Variants in RASGRP4 observed in about 807,000 individuals in gnomAD.
RASGRP4 encodes RAS guanyl-releasing protein 4.
RASGRP4 carries 52 observed loss-of-function variants against 84.4 expected under a neutral mutation model. The observed-to-expected ratio is 0.62, with a 90% CI of 0.49 to 0.78. RASGRP4 has a LOEUF of 0.78. Among genes scored for constraint, RASGRP4 ranks in the 30% least tolerant of loss-of-function variants. RASGRP4 has a pLI of 0.00. For synonymous variants in RASGRP4, 356 were observed against 359.1 expected (o/e 0.99, Z 0.10); for missense variants, 760 against 886.9 (o/e 0.86, Z 1.82).
Position 38,417,080 on chromosome 19 carries a change from T to C in RASGRP4, c.926A>G (p.His309Arg). The change falls in exon 8 of 17, where the codon CAT becomes CGT. Residue 309 changes from histidine to arginine, a missense_variant. Transcript: ENST00000615439. The surrounding 1 kb of genome is among the most constrained non-coding windows in gnomAD (Gnocchi z 5.1). ...GGTGCTGTCAGGGCTCAGGTGGGCATGGGAGTCCTTGAGTCTGGAGATGGC... is the reference window on the plus strand; with the variant it reads ...GGTGCTGTCAGGGCTCAGGTGGGCACGGGAGTCCTTGAGTCTGGAGATGGC... The part of the protein sequence containing the change: ...HSAISRLKDS[H>R]AHLSPDSTKA... 1 of 1,560,912 alleles carries C rather than the reference T, an allele frequency of 6.4e-7. No individual in the cohort carries two copies. The highest frequency in any genetic ancestry group is 8.7e-7 in the Non-Finnish European group (1 of 1,151,878).
In RASGRP4 at chr19:38,413,174, G is replaced by A. The variant is rs191763731; in HGVS notation, c.1416+19C>T. Reference sequence around the variant, plus strand: ...TTCCCTCCTGGCTGCTGGCGGCCGGGCCACCCTCCCCTCCTTACCTCCACC... The same window carrying A: ...TTCCCTCCTGGCTGCTGGCGGCCGGACCACCCTCCCCTCCTTACCTCCACC... On this transcript the variant is annotated intron_variant, in intron 11 of 16. Transcript: ENST00000615439. This position sits in a 1 kb window ranked among gnomAD's most constrained non-coding sequence, Gnocchi z 4.7. 2 of 1,607,362 alleles carry A rather than the reference G, an allele frequency of 1.2e-6. No homozygotes were observed. The highest frequency in any genetic ancestry group is 3.3e-5 in the Admixed American group (2 of 59,864).
At chr19:38,422,559 A>G (rs1396691856) in intron 1 of RASGRP4, among the ~76,000 whole-genome samples, 2 of 151,700 alleles carry the variant, frequency 1.3e-5, no homozygotes, top group Non-Finnish European at 2.9e-5. Flanking sequence ...AGGAGCATGA[A>G]CCCTATTGTG....
At chr19:38,424,618 G>C (rs955393858) in intron 1 of RASGRP4, among the ~76,000 whole-genome samples, 3 of 120,308 alleles carry the variant, frequency 2.5e-5, no homozygotes, top group Non-Finnish European at 3.4e-5. Flanking sequence ...TGTGTCAATG[G>C]GGGGGGGGGT....
In RASGRP4 at chr19:38,417,262, C is replaced by T; in HGVS notation, c.838-94G>A. 3.9e-6 allele frequency: 3 copies of T among 777,116 alleles called. No individual in the cohort carries two copies. The highest frequency in any genetic ancestry group is 6.7e-6 in the Non-Finnish European group (3 of 449,548). 48.1% of individuals were successfully genotyped at this position (777,116 alleles called of 1,614,324 possible). On this transcript the variant is annotated intron_variant, in intron 7 of 16. Transcript: ENST00000615439. This position sits in a 1 kb window ranked among gnomAD's most constrained non-coding sequence, Gnocchi z 5.1. The stretch of plus-strand genomic sequence containing the variant: ...ATCCCAGTTGAGGTGGGGTCCCAGG[C>T]ATGTGTGGACCAATGTGGGGATCAG...
chr19:38,413,415 C>T lies in RASGRP4; in HGVS notation c.1290G>A (p.Glu430=). 6.2e-7 allele frequency: 1 copy of T among 1,608,618 alleles called. No homozygotes were observed. Residue 430 remains glutamate, a synonymous_variant, in exon 10 of 17, where the codon GAG becomes GAA. Coordinates refer to ENST00000615439, the MANE Select transcript of RASGRP4 (RefSeq NM_170604.3). The surrounding 1 kb of genome is among the most constrained non-coding windows in gnomAD (Gnocchi z 4.7). ...TCACCAGGCTCTTGGGACAACGCGGCTCCCGGGCATAAGAAAGCTCATAGA... is the reference window on the plus strand; with the variant it reads ...TCACCAGGCTCTTGGGACAACGCGGTTCCCGGGCATAAGAAAGCTCATAGA... ...DEIYELSYAR[E]PRCPKSLPPS... is the part of the protein sequence containing the mutation.
chr19:38,413,504 C>T lies in RASGRP4; in HGVS notation c.1231-30G>A, dbSNP rs889921182. 4.5e-6 allele frequency: 7 copies of T among 1,551,020 alleles called. No homozygotes were observed. The highest frequency in any genetic ancestry group is 1.4e-5 in the African/African-American group (1 of 73,338). ...AGCAGACAGGGGTGTTACGGATCCT[C>T]CCATCTATAGCCCTGCCCCAGACCC... On this transcript the variant is annotated intron_variant, in intron 9 of 16. Coordinates refer to ENST00000615439, the MANE Select transcript of RASGRP4 (RefSeq NM_170604.3). The surrounding 1 kb of genome is among the most constrained non-coding windows in gnomAD (Gnocchi z 4.7).
At chr19:38,410,865 G>T (rs746314763) in intron 16 of RASGRP4, 21 bp downstream of exon 16, 2 of 1,532,248 alleles carry the variant, frequency 1.3e-6, no homozygotes, top group South Asian at 2.4e-5. Flanking sequence ...CCACTTGGGG[G>T]TAGGGGCGGT....
chr19:38,415,278 A>G (rs1017181637), intron 8 of RASGRP4, among the ~76,000 whole-genome samples, 155 bp from the exon 9 acceptor site: 1 of 151,888 alleles, frequency 6.6e-6, no homozygotes, highest in African/African-American at 2.4e-5. Context: ...ATCTCCCCCA[A>G]ACTGCTCTTC....
Position 38,421,950 on chromosome 19 carries a change from C to A in RASGRP4, c.208+19G>T. Reference sequence around the variant, plus strand: ...CCCGAGGTTAGGGCCAGGGAGGCTGCTGGGGAGAGGACACTTACCGAAGGA... The same window carrying A: ...CCCGAGGTTAGGGCCAGGGAGGCTGATGGGGAGAGGACACTTACCGAAGGA... On this transcript the variant is annotated intron_variant, in intron 2 of 16. Transcript: ENST00000615439. 1 of 1,600,812 alleles carries A rather than the reference C, an allele frequency of 6.2e-7. No homozygotes were observed. Among genetic ancestry groups the A allele is most frequent in the Non-Finnish European group, 8.5e-7 (1 of 1,174,342 alleles).
At chr19:38,423,322 C>T (rs1436197916) in intron 1 of RASGRP4, among the ~76,000 whole-genome samples, 6 of 151,938 alleles carry the variant, frequency 3.9e-5, no homozygotes, top group Admixed American at 2.6e-4. Flanking sequence ...GCCAGGAGTT[C>T]GAGACCACCC....
At chr19:38,422,210 A>C in intron 1 of RASGRP4, 57 bp from the exon 2 acceptor site, 1 of 1,496,924 alleles carries the variant, frequency 6.7e-7, no homozygotes, top group Non-Finnish European at 9.0e-7. Context: ...CAGACCCTAG[A>C]ATTCCTTTTG....
rs190970921 is a variant in RASGRP4 at position 38,421,123 on chromosome 19, C to A, written c.286G>T (p.Ala96Ser). The part of the protein sequence containing the change: ...LAMHSWVLPS[A>S]DLAARLLTSY... Reference sequence around the variant, plus strand: ...GTCAGCAGGCGGGCAGCCAGGTCGGCGGACGGCAGCACCCAGCTGTGCATG... The same window carrying A: ...GTCAGCAGGCGGGCAGCCAGGTCGGAGGACGGCAGCACCCAGCTGTGCATG... Residue 96 changes from alanine to serine, a missense_variant, in exon 3 of 17, where the codon GCC becomes TCC. By Grantham distance (99) the Ala-to-Ser change is moderately conservative. Transcript: ENST00000615439. 1 of 1,613,750 alleles carries A rather than the reference C, an allele frequency of 6.2e-7. No homozygotes were observed. The highest frequency in any genetic ancestry group is 8.5e-7 in the Non-Finnish European group (1 of 1,179,776).
chr19:38,426,140 C>G lies in RASGRP4; in HGVS notation c.-49G>C, dbSNP rs1971986799. ...CCGGGGGTCTTGCAAGAGTAGGGCT[C>G]AGCTCCTCCCCTTGCCCAGGACTCC... On this transcript the variant is annotated 5_prime_UTR_variant, in exon 1 of 17. Coordinates refer to ENST00000615439, the MANE Select transcript of RASGRP4 (RefSeq NM_170604.3). 7.8e-7 allele frequency: 1 copy of G among 1,289,470 alleles called. No homozygotes were observed. 79.9% of individuals were successfully genotyped at this position (1,289,470 alleles called of 1,614,324 possible). A position where few individuals can be genotyped will look rare whatever the true frequency, so the allele number is the denominator to read the frequency against.
At chr19:38,411,685 C>T (rs1470812286) in intron 13 of RASGRP4, 1 of 293,686 alleles carries the variant, frequency 3.4e-6, no homozygotes, top group African/African-American at 2.2e-5. Flanking sequence ...TAGAGCAAGA[C>T]CCATCTCTTA....
intron 1 of RASGRP4, among the ~76,000 whole-genome samples, 187 bp downstream of exon 1, chr19:38,425,882 A>G (rs1198540306): frequency 6.6e-6 from 1 of 152,154 alleles, no homozygotes; most frequent in Non-Finnish European, 1.5e-5. Flanking sequence ...AACACGGTAC[A>G]GATGCCACAT....
In RASGRP4 at chr19:38,413,060, G is replaced by T. The variant is rs766035591; in HGVS notation, c.1417-11C>A. On this transcript the variant is annotated splice_polypyrimidine_tract_variant and intron_variant, in intron 11 of 16. Transcript: ENST00000615439. This position sits in a 1 kb window ranked among gnomAD's most constrained non-coding sequence, Gnocchi z 4.7. ...ATTCTTGAACACAGACTTCAGAGGA[G>T]TGTGGGGAAGCAGATAAGGCCCAGT... The T allele has an allele frequency of 1.1e-5, 18 of 1,608,524 alleles. No homozygotes were observed. Among genetic ancestry groups the T allele is most frequent in the Non-Finnish European group, 1.5e-5 (18 of 1,174,996 alleles).
Position 38,420,889 on chromosome 19 carries a change from GA to G in RASGRP4, c.377+18del, listed in dbSNP as rs1427615758. Reference sequence around the variant, plus strand: ...GGAAGTCGTGGGTCCTGAGAGTGGGGATCTCGGCCCAGCCCTACCTGACCAG... The same window carrying G: ...GGAAGTCGTGGGTCCTGAGAGTGGGGTCTCGGCCCAGCCCTACCTGACCAG... On this transcript the variant is annotated intron_variant, in intron 4 of 16. Coordinates refer to ENST00000615439, the MANE Select transcript of RASGRP4 (RefSeq NM_170604.3). 6.2e-7 allele frequency: 1 copy of G among 1,611,850 alleles called. No homozygotes were observed. The highest frequency in any genetic ancestry group is 1.1e-5 in the South Asian group (1 of 91,014).
chr19:38,415,984 G>C (rs1347955274), intron 8 of RASGRP4, among the ~76,000 whole-genome samples: 1 of 151,356 alleles, frequency 6.6e-6, no homozygotes, highest in Non-Finnish European at 1.5e-5. Context: ...GCTTGAACCT[G>C]GGAGGTGGAG....
At chr19:38,421,768 T>C (rs1971761774) in intron 2 of RASGRP4, among the ~76,000 whole-genome samples, 1 of 147,352 alleles carries the variant, frequency 6.8e-6, no homozygotes, top group Non-Finnish European at 1.5e-5. Flanking sequence ...AATATACACA[T>C]ATATTATATA....
Sources: allele counts gnomAD v4.1 joint callset (sites outside exome capture counted in the v4.1 genomes callset), GRCh38; gene constraint gnomAD v4.1.1; non-coding constraint Gnocchi (gnomAD v3.1); transcripts MANE v1.5; gene names NCBI Gene and HGNC (gene_info 2026-07-23, HGNC 2026-07-21).